RFX3: variants seen among roughly 807,000 people sequenced by gnomAD.
RFX3 encodes regulatory factor X3.
A neutral mutation model predicts 98.6 loss-of-function variants in RFX3; 14 were observed. That is an observed-to-expected ratio of 0.14 (90% confidence interval 0.09 to 0.22). RFX3 has a LOEUF of 0.22. Among genes scored for constraint, RFX3 ranks in the 10% least tolerant of loss-of-function variants. The pLI, the probability that RFX3 is intolerant of heterozygous loss-of-function variation, is 1.00. For missense variants in RFX3, 639 were observed against 926.9 expected, an observed-to-expected ratio of 0.69 and a Z score of 4.03; for synonymous variants, 383 against 328.4, an observed-to-expected ratio of 1.17 and a Z score of -1.80.
In RFX3 at chr9:3,410,329, G is replaced by T. The variant is rs149003547; in HGVS notation, c.-8-14733C>A. The stretch of plus-strand genomic sequence containing the variant: ...TACATAGAGTATCTTGGTGTTCCAT[G>T]CTCAGTATTTTATTATTATACAGAG... On this transcript the variant is annotated intron_variant, in intron 1 of 16. Transcript: ENST00000617270. Among the ~76,000 whole-genome samples the T allele has an allele frequency of 1.7e-3, 255 of 151,992 alleles. 3 individuals carry two copies. Among genetic ancestry groups the T allele is most frequent in the Admixed American group, 0.013 (197 of 15,256 alleles).
intron 1 of RFX3, among the ~76,000 whole-genome samples, chr9:3,441,334 C>A (rs12001407): frequency 0.027 from 4,152 of 151,206 alleles, 204 homozygotes; most frequent in African/African-American, 0.097. Context: ...AGAGAGAGAT[C>A]CATGGGTTAG....
intron 15 of RFX3, among the ~76,000 whole-genome samples, chr9:3,246,251 T>G (rs760530235): frequency 6.6e-6 from 1 of 152,014 alleles, no homozygotes; most frequent in African/African-American, 2.4e-5. Flanking sequence ...CTTTGCCTCA[T>G]GTAAAATCTG....
chr9:3,419,822 G>A (rs1042581725), intron 1 of RFX3, among the ~76,000 whole-genome samples: 2 of 152,144 alleles, frequency 1.3e-5, no homozygotes, highest in Non-Finnish European at 2.9e-5. Context: ...TTTGTTATAT[G>A]TAGAATGTTT....
chr9:3,493,556 C>T (rs1451448923), intron 1 of RFX3, among the ~76,000 whole-genome samples: 6 of 151,322 alleles, frequency 4.0e-5, no homozygotes, highest in African/African-American at 4.9e-5. Flanking sequence ...TGGTGGCACG[C>T]GCCTGTATTC....
intron 1 of RFX3, among the ~76,000 whole-genome samples, chr9:3,481,248 T>C (rs1849733988): frequency 6.6e-6 from 1 of 152,154 alleles, no homozygotes; most frequent in South Asian, 2.1e-4. Context: ...ATTCTTAGCA[T>C]CTAATGCCTA....
intron 5 of RFX3, among the ~76,000 whole-genome samples, chr9:3,294,302 T>G (rs768821726): frequency 1.3e-5 from 2 of 152,142 alleles, no homozygotes; most frequent in East Asian, 1.9e-4. Context: ...ACATTACTTG[T>G]GTCAACAAAA....
intron 8 of RFX3, among the ~76,000 whole-genome samples, chr9:3,277,118 T>C (rs1172590288): frequency 6.6e-6 from 1 of 152,038 alleles, no homozygotes; most frequent in African/African-American, 2.4e-5. Flanking sequence ...CTTTAATTCA[T>C]ACGCATAAAA....
chr9:3,269,027 A>T (rs1824026070), intron 11 of RFX3, among the ~76,000 whole-genome samples: 1 of 151,988 alleles, frequency 6.6e-6, no homozygotes, highest in Admixed American at 6.6e-5. Flanking sequence ...GGAAAATCCG[A>T]TTCTGGAACA....
intron 2 of RFX3, among the ~76,000 whole-genome samples, chr9:3,366,778 A>G (rs181487670): frequency 1.1e-4 from 12 of 107,760 alleles, no homozygotes; most frequent in Admixed American, 9.6e-4. Flanking sequence ...GTACATTCAA[A>G]AGTCATCTGG....
intron 1 of RFX3, among the ~76,000 whole-genome samples, chr9:3,447,377 G>T (rs1175492482): frequency 6.6e-6 from 1 of 152,008 alleles, no homozygotes; most frequent in Non-Finnish European, 1.5e-5. Flanking sequence ...ATAACTGAAT[G>T]ATTTCAGAGC....
intron 3 of RFX3, among the ~76,000 whole-genome samples, chr9:3,346,090 T>A (rs938558233): frequency 3.3e-5 from 5 of 152,228 alleles, no homozygotes; most frequent in African/African-American, 1.2e-4. Context: ...CTGCATCTTA[T>A]TGCAAAGTAG....
At chr9:3,297,386 T>C (rs775148948) in intron 5 of RFX3, among the ~76,000 whole-genome samples, 1 of 152,082 alleles carries the variant, frequency 6.6e-6, no homozygotes, top group Non-Finnish European at 1.5e-5. Context: ...ATACACTCAT[T>C]TAATGGTGGA....
intron 1 of RFX3, among the ~76,000 whole-genome samples, chr9:3,435,266 A>G (rs546098921): frequency 1.3e-5 from 2 of 152,200 alleles, no homozygotes; most frequent in South Asian, 4.1e-4. Flanking sequence ...TCTACTTTAT[A>G]AACTTTTTAA....
chr9:3,340,964 T>C (rs141568587), intron 3 of RFX3, among the ~76,000 whole-genome samples: 174 of 152,348 alleles, frequency 1.1e-3, no homozygotes, highest in Middle Eastern at 0.01. Context: ...CATATGTTTA[T>C]TGCGGCACTA....
chr9:3,386,238 G>A (rs7034037), intron 2 of RFX3, among the ~76,000 whole-genome samples: 7,556 of 152,076 alleles, frequency 0.05, 557 homozygotes, highest in African/African-American at 0.16. Context: ...AATGTTACAA[G>A]AAAAGGAGTT....
intron 7 of RFX3, among the ~76,000 whole-genome samples, chr9:3,279,596 G>A (rs1027374295): frequency 3.3e-5 from 5 of 151,688 alleles, no homozygotes; most frequent in Admixed American, 3.3e-4. Context: ...AAGGGCAAAT[G>A]GAATTTAACC....
intron 3 of RFX3, among the ~76,000 whole-genome samples, chr9:3,340,684 C>T (rs1189895930): frequency 6.6e-6 from 1 of 152,176 alleles, no homozygotes; most frequent in African/African-American, 2.4e-5. Context: ...CAGAGAAATG[C>T]AAATCAAAAC....
chr9:3,456,215 G>A (rs1847138446), intron 1 of RFX3, among the ~76,000 whole-genome samples: 1 of 152,138 alleles, frequency 6.6e-6, no homozygotes, highest in Non-Finnish European at 1.5e-5. Context: ...TCTCACTTTT[G>A]GAGGAGACAC....
intron 2 of RFX3, among the ~76,000 whole-genome samples, chr9:3,365,194 G>T (rs1836911018): frequency 6.6e-6 from 1 of 151,786 alleles, no homozygotes; most frequent in African/African-American, 2.4e-5. Context: ...CAGCTACTCA[G>T]GAGGCTGAGG....
Sources: gnomAD v4.1 joint callset for allele counts (sites outside exome capture counted in the v4.1 genomes callset) on GRCh38, gnomAD v4.1.1 for gene constraint, MANE v1.5 for transcripts, NCBI Gene and HGNC (gene_info 2026-07-23, HGNC 2026-07-21) for gene names.